The following SLC24A2 variants were observed in gnomAD, a reference collection of about 807,000 sequenced individuals.
The protein encoded by SLC24A2 is sodium/potassium/calcium exchanger 2.
Under a neutral mutation model 62.0 loss-of-function variants are expected in SLC24A2, and 36 were observed. The observed-to-expected ratio is 0.58, with a 90% CI of 0.44 to 0.77. The LOEUF is 0.77. SLC24A2 is among the 30% of genes least tolerant of loss of function. The pLI is 0.00. For missense variants in SLC24A2, 846 were observed against 817.9 expected (o/e 1.03, Z -0.42); for synonymous variants, 358 against 294.0 (o/e 1.22, Z -2.23).
At chr9:20,227,482 A>C in the SLC24A2 span, among the ~76,000 whole-genome samples, 3 of 151,506 alleles carry the variant, frequency 2.0e-5, no homozygotes, top group Admixed American at 2.0e-4. Flanking sequence ...ATAATCACAC[A>C]ATTTCTAAAG....
chr9:19,988,851 A>G, the SLC24A2 span, among the ~76,000 whole-genome samples: 1 of 152,118 alleles, frequency 6.6e-6, no homozygotes, highest in Non-Finnish European at 1.5e-5. Flanking sequence ...ATCTAAGGAA[A>G]ACCTCCTAGG....
At chr9:20,274,764 G>C in the SLC24A2 span, among the ~76,000 whole-genome samples, 2 of 151,186 alleles carry the variant, frequency 1.3e-5, no homozygotes, top group Non-Finnish European at 1.5e-5. Context: ...AGTGGACCAT[G>C]GCTTCCTCAT....
At chr9:19,726,224 A>G (rs1821164557) in intron 2 of SLC24A2, among the ~76,000 whole-genome samples, 1 of 152,114 alleles carries the variant, frequency 6.6e-6, no homozygotes, top group Admixed American at 6.6e-5. Context: ...GTAGGATTAT[A>G]CTTTCTCTCA....
At chr9:20,153,376 A>G in the SLC24A2 span, among the ~76,000 whole-genome samples, 1 of 151,846 alleles carries the variant, frequency 6.6e-6, no homozygotes, top group African/African-American at 2.4e-5. Flanking sequence ...GATGTTTGGT[A>G]ATTGGGTAAA....
At chr9:19,548,229 T>C (rs73645417) in intron 8 of SLC24A2, among the ~76,000 whole-genome samples, 4,587 of 152,072 alleles carry the variant, frequency 0.03, 390 homozygotes, top group African/African-American at 0.1. Flanking sequence ...CTGGAAGTTA[T>C]CAAAATATTC....
chr9:20,015,695 T>G, the SLC24A2 span, among the ~76,000 whole-genome samples: 4,758 of 152,292 alleles, frequency 0.031, 220 homozygotes, highest in African/African-American at 0.11. Context: ...CTTTCTGTCT[T>G]CTCATACAGA....
intron 3 of SLC24A2, among the ~76,000 whole-genome samples, chr9:19,620,426 A>G (rs1158959258): frequency 6.6e-6 from 1 of 152,186 alleles, no homozygotes; most frequent in Non-Finnish European, 1.5e-5. Context: ...AGATTCAAGG[A>G]GCAGAAGCTC....
the SLC24A2 span, among the ~76,000 whole-genome samples, chr9:20,267,436 C>A: frequency 6.6e-6 from 1 of 152,282 alleles, no homozygotes; most frequent in African/African-American, 2.4e-5. Context: ...GCTTGTCTGG[C>A]CAGGACCCCC....
At chr9:19,582,247 AAAC>A (rs1836231321) in intron 5 of SLC24A2, among the ~76,000 whole-genome samples, 1 of 152,172 alleles carries the variant, frequency 6.6e-6, no homozygotes, top group Non-Finnish European at 1.5e-5. Flanking sequence ...CTGCATGGAA[AAAC>A]AACGTTTGGA....
chr9:20,192,383 A>G, the SLC24A2 span, among the ~76,000 whole-genome samples: 1 of 151,926 alleles, frequency 6.6e-6, no homozygotes, highest in African/African-American at 2.4e-5. Context: ...GAAGATATAT[A>G]TATATATTTA....
the SLC24A2 span, among the ~76,000 whole-genome samples, chr9:20,024,311 G>C: frequency 7.2e-5 from 11 of 152,238 alleles, 1 homozygote; most frequent in African/African-American, 2.6e-4. Context: ...ACCTCACAAA[G>C]GGCTTAGAAA....
intron 2 of SLC24A2, among the ~76,000 whole-genome samples, chr9:19,726,862 A>C (rs1476826025): frequency 1.3e-5 from 2 of 152,204 alleles, no homozygotes; most frequent in Non-Finnish European, 2.9e-5. Context: ...GGAGGATTTT[A>C]GGCTGGCTTT....
chr9:20,274,190 A>T, the SLC24A2 span, among the ~76,000 whole-genome samples: 1 of 152,194 alleles, frequency 6.6e-6, no homozygotes, highest in African/African-American at 2.4e-5. Flanking sequence ...ACAAATACAT[A>T]GATAATGATG....
intron 2 of SLC24A2, among the ~76,000 whole-genome samples, chr9:19,764,547 A>C (rs543361375): frequency 6.6e-6 from 1 of 152,102 alleles, no homozygotes; most frequent in African/African-American, 2.4e-5. Flanking sequence ...TTCTGTCTTA[A>C]TTTTGTTATT....
At chr9:20,149,323 CAAT>C in the SLC24A2 span, among the ~76,000 whole-genome samples, 119 of 152,128 alleles carry the variant, frequency 7.8e-4, no homozygotes, top group Non-Finnish European at 1.6e-3. Context: ...TGCACACCAA[CAAT>C]GAGGAGACTT....
At chr9:19,935,924 C>G in the SLC24A2 span, among the ~76,000 whole-genome samples, 1 of 152,066 alleles carries the variant, frequency 6.6e-6, no homozygotes, top group African/African-American at 2.4e-5. Flanking sequence ...AAAAGCTTCT[C>G]TAAAGGAAAG....
chr9:19,622,807 A>T (rs1160785209), intron 2 of SLC24A2, among the ~76,000 whole-genome samples: 1 of 152,158 alleles, frequency 6.6e-6, no homozygotes, highest in African/African-American at 2.4e-5. Context: ...ATTGCAAAGA[A>T]ATGTCATTTT....
chr9:19,940,692 T>A, the SLC24A2 span, among the ~76,000 whole-genome samples: 1 of 152,188 alleles, frequency 6.6e-6, no homozygotes, highest in Non-Finnish European at 1.5e-5. Flanking sequence ...AAAGGGCCAT[T>A]TGTTGCACTC....
At chr9:19,548,970 G>C (rs1287798346) in intron 8 of SLC24A2, among the ~76,000 whole-genome samples, 1 of 152,188 alleles carries the variant, frequency 6.6e-6, no homozygotes, top group Non-Finnish European at 1.5e-5. Context: ...CTAAGAAGTA[G>C]AGCTGTTTCT....
Sources: allele counts gnomAD v4.1 joint callset (sites outside exome capture counted in the v4.1 genomes callset), GRCh38; gene constraint gnomAD v4.1.1; transcripts MANE v1.5; gene names NCBI Gene and HGNC (gene_info 2026-07-23, HGNC 2026-07-21).